LAD1: variants seen among roughly 807,000 people sequenced by gnomAD.
LAD1 encodes the protein ladinin-1.
In LAD1, 53 loss-of-function variants were observed where a neutral mutation model predicts 54.2. The ratio of observed to expected loss-of-function variants is 0.98; its 90% confidence interval spans 0.78 to 1.23. The LOEUF is 1.23. Among genes scored for constraint, LAD1 ranks in the 50% most tolerant of loss-of-function variants. The pLI is 0.00. For synonymous variants in LAD1, 231 were observed against 257.7 expected (o/e 0.90, Z 0.99); for missense variants, 637 against 653.3 (o/e 0.98, Z 0.27).
In LAD1 at chr1:201,382,871, C is replaced by G. The variant is rs1388174920; in HGVS notation, c.1387-132G>C. The G allele has an allele frequency of 4.2e-6, 4 of 950,404 alleles. 1 individual carries two copies. Among genetic ancestry groups the G allele is most frequent in the South Asian group, 3.1e-5 (2 of 64,254 alleles). The allele number at this position is 950,404 out of a possible 1,614,324, so 58.9% of individuals were successfully genotyped here. A position where few individuals can be genotyped will look rare whatever the true frequency, so the allele number is the denominator to read the frequency against. ...CAGCACATGCCACATATACCTGGGACAGCCCCCTCCCCTTCCCCCAGGGAG... is the reference window on the plus strand; with the variant it reads ...CAGCACATGCCACATATACCTGGGAGAGCCCCCTCCCCTTCCCCCAGGGAG... On this transcript the variant is annotated intron_variant, in intron 7 of 9. Transcript: ENST00000391967.
chr1:201,391,896 A>T (rs1322892857), intron 1 of LAD1, among the ~76,000 whole-genome samples: 1 of 152,172 alleles, frequency 6.6e-6, no homozygotes, highest in East Asian at 1.9e-4. Flanking sequence ...TTCCCCCTGC[A>T]TTGTCTGCAA....
At chr1:201,386,183 G>T in intron 3 of LAD1, 152 bp downstream of exon 3, 1 of 783,166 alleles carries the variant, frequency 1.3e-6, no homozygotes, top group Non-Finnish European at 1.9e-6. Flanking sequence ...ACCATGGCTA[G>T]AAGCAGGCAG....
Position 201,381,444 on chromosome 1 carries a change from G to T in LAD1, c.*444C>A. 4.9e-6 allele frequency: 1 copy of T among 204,904 alleles called. No homozygotes were observed. The highest frequency in any genetic ancestry group is 1.0e-5 in the Non-Finnish European group (1 of 100,358). The allele number at this position is 204,904 out of a possible 1,614,324, so 12.7% of individuals were successfully genotyped here. A position where few individuals can be genotyped will look rare whatever the true frequency, so the allele number is the denominator to read the frequency against. On this transcript the variant is annotated 3_prime_UTR_variant, in exon 10 of 10. Coordinates refer to ENST00000391967, the MANE Select transcript of LAD1 (RefSeq NM_005558.4). ...GGAGCAGGCCCCAGGGACAAAGATG[G>T]GTGGGTCCAGGCCTCAGAGAAGGGG...
intron 2 of LAD1, among the ~76,000 whole-genome samples, chr1:201,388,026 A>G (rs997211833): frequency 2.6e-5 from 4 of 151,946 alleles, no homozygotes; most frequent in African/African-American, 4.8e-5. Context: ...CATTCAGTAA[A>G]CCCCAGGCTC....
In LAD1 at chr1:201,385,778, C is replaced by G. The variant is rs1179340430; in HGVS notation, c.1054G>C (p.Ala352Pro). 6.2e-7 allele frequency: 1 copy of G among 1,614,090 alleles called. No individual in the cohort carries two copies. Among genetic ancestry groups the G allele is most frequent in the South Asian group, 1.1e-5 (1 of 91,078 alleles). The part of the protein sequence containing the change: ...QVKIPSKEEE[A>P]DMSSPTQRTY... ...CGCTGTGTGGGTGAGGACATATCTG[C>G]CTCTTCCTCCTTGCTGGGGATTTTC... The change falls in exon 4 of 10, where the codon GCA becomes CCA. Residue 352 changes from alanine to proline, a missense_variant. By Grantham distance (27) the Ala-to-Pro change is conservative. Coordinates refer to ENST00000391967, the MANE Select transcript of LAD1 (RefSeq NM_005558.4).
rs937381248 is a variant in LAD1 at position 201,399,204 on chromosome 1, G to T, written c.38+65C>A. 8 of 1,327,686 alleles carry T rather than the reference G, an allele frequency of 6.0e-6. No homozygotes were observed. In the African/African-American group the frequency reaches 1.2e-4, roughly 19 times the overall value. The allele number at this position is 1,327,686 out of a possible 1,614,324, so 82.2% of individuals were successfully genotyped here. On this transcript the variant is annotated intron_variant, in intron 1 of 9. Coordinates refer to ENST00000391967, the MANE Select transcript of LAD1 (RefSeq NM_005558.4). Reference sequence around the variant, plus strand: ...CAGGCGGGGAGGAGGCCGGTGCCCCGAGGAGAGGAGACCCAAAGGCTCCCC... The same window carrying T: ...CAGGCGGGGAGGAGGCCGGTGCCCCTAGGAGAGGAGACCCAAAGGCTCCCC...
intron 1 of LAD1, among the ~76,000 whole-genome samples, chr1:201,395,134 G>A (rs1201171177): frequency 1.3e-5 from 2 of 152,154 alleles, no homozygotes; most frequent in Non-Finnish European, 1.5e-5. Context: ...GAATCATGGG[G>A]CTGCCTTCAA....
At chr1:201,389,428 A>C in intron 1 of LAD1, 125 bp from the exon 2 acceptor site, 26 of 1,137,968 alleles carry the variant, frequency 2.3e-5, no homozygotes, top group Non-Finnish European at 3.0e-5. Context: ...CTAGCAGCTC[A>C]GAAGTGCTTG....
In LAD1 at chr1:201,383,194, C is replaced by G. The variant is rs201909245; in HGVS notation, c.1266G>C (p.Lys422Asn). Reference sequence around the variant, plus strand: ...ACTCAGTGCAAGGCAGACCCCGAGACTTGACAGATTCTGATCTCTGGGAAC... The same window carrying G: ...ACTCAGTGCAAGGCAGACCCCGAGAGTTGACAGATTCTGATCTCTGGGAAC... ...HTAIRRSESVKSRGLPCTELF... is the reference protein window; with the variant it reads ...HTAIRRSESVNSRGLPCTELF... Residue 422 changes from lysine (K) to asparagine (N), a missense_variant, in exon 7 of 10, where the codon AAG becomes AAC. Transcript: ENST00000391967. 5.0e-6 allele frequency: 8 copies of G among 1,614,020 alleles called. No homozygotes were observed. In the Admixed American group the frequency reaches 5.0e-5, roughly 10 times the overall value.
intron 7 of LAD1, 138 bp downstream of exon 7, chr1:201,382,936 T>TG: frequency 8.7e-7 from 1 of 1,147,952 alleles, no homozygotes; most frequent in African/African-American, 1.5e-5. Flanking sequence ...GGAACGTGAA[T>TG]GGGAACTCAA....
chr1:201,389,382 GAA>G, intron 1 of LAD1, 79 bp from the exon 2 acceptor site: 2 of 1,522,524 alleles, frequency 1.3e-6, no homozygotes, highest in Non-Finnish European at 1.8e-6. Flanking sequence ...AGGGCTGGGA[GAA>G]GAGACCAAAT....
intron 5 of LAD1, among the ~76,000 whole-genome samples, chr1:201,384,343 T>C (rs1334373631): frequency 6.6e-6 from 1 of 152,184 alleles, no homozygotes; most frequent in Non-Finnish European, 1.5e-5. Flanking sequence ...TTTTGCTTTT[T>C]TTTCAAAGCA....
intron 1 of LAD1, among the ~76,000 whole-genome samples, chr1:201,398,196 G>C (rs959176952): frequency 6.6e-6 from 1 of 152,140 alleles, no homozygotes; most frequent in Non-Finnish European, 1.5e-5. Flanking sequence ...GCAGGAGCGG[G>C]GTAGAGGACA....
chr1:201,392,117 C>A (rs538718601), intron 1 of LAD1, among the ~76,000 whole-genome samples: 32 of 152,384 alleles, frequency 2.1e-4, no homozygotes, highest in African/African-American at 7.2e-4. Context: ...GGTTTCTAGT[C>A]CTCCTGCCCT....
intron 3 of LAD1, 86 bp downstream of exon 3, chr1:201,386,249 G>A: frequency 7.8e-7 from 1 of 1,289,060 alleles, no homozygotes; most frequent in Non-Finnish European, 1.0e-6. Context: ...GGCAGCCAGG[G>A]AACCAGGGAC....
intron 5 of LAD1, chr1:201,383,720 C>T: frequency 2.6e-6 from 1 of 384,212 alleles, no homozygotes; most frequent in Non-Finnish European, 5.0e-6. Context: ...CTCTCCCAGC[C>T]TGCCACCGTG....
chr1:201,398,389 C>T (rs1341284397), intron 1 of LAD1, among the ~76,000 whole-genome samples: 2 of 152,178 alleles, frequency 1.3e-5, no homozygotes, highest in Admixed American at 6.5e-5. Context: ...ATCAAAAGAG[C>T]AGGCTCCAGC....
At chr1:201,389,036 T>C in intron 2 of LAD1, 124 bp downstream of exon 2, 1 of 1,151,762 alleles carries the variant, frequency 8.7e-7, no homozygotes, top group Non-Finnish European at 1.2e-6. Context: ...AACTGGAAAT[T>C]CATCATCACA....
In LAD1 at chr1:201,384,852, A is replaced by T; in HGVS notation, c.1132-17T>A. 1 of 1,613,688 alleles carries T rather than the reference A, an allele frequency of 6.2e-7. No individual in the cohort carries two copies. The highest frequency in any genetic ancestry group is 2.2e-5 in the East Asian group (1 of 44,888). On this transcript the variant is annotated splice_polypyrimidine_tract_variant and intron_variant, in intron 4 of 9. Coordinates refer to ENST00000391967, the MANE Select transcript of LAD1 (RefSeq NM_005558.4). Reference sequence around the variant, plus strand: ...GGGTTTCATCTGAAATGAGAAGGAAAGGCATTGTTGTGTGGGAGTCCCCGG... The same window carrying T: ...GGGTTTCATCTGAAATGAGAAGGAATGGCATTGTTGTGTGGGAGTCCCCGG...
Sources: allele counts gnomAD v4.1 joint callset (sites outside exome capture counted in the v4.1 genomes callset), GRCh38; gene constraint gnomAD v4.1.1; transcripts MANE v1.5; gene names NCBI Gene and HGNC (gene_info 2026-07-23, HGNC 2026-07-21).